Variants in KIR2DL3 observed in about 807,000 individuals in gnomAD.
KIR2DL3 encodes killer cell immunoglobulin like receptor, two Ig domains and long cytoplasmic tail 3, also known as killer cell immunoglobulin-like receptor 2DL3.
A neutral mutation model predicts 33.8 loss-of-function variants in KIR2DL3; 39 were observed. The ratio of observed to expected loss-of-function variants is 1.15; its 90% CI spans 0.89 to 1.51. The LOEUF is 1.51. Ranked by LOEUF, KIR2DL3 falls within the 40% of genes most tolerant of loss-of-function variation. KIR2DL3 has a pLI of 0.00. For synonymous variants in KIR2DL3, 174 were observed against 160.2 expected (o/e 1.09, Z -0.65); for missense variants, 462 against 426.2 (o/e 1.08, Z -0.74).
chr19:54,744,632 T>C (rs1412224473), intron 4 of KIR2DL3, among the ~76,000 whole-genome samples: 3 of 151,110 alleles, frequency 2.0e-5, no homozygotes, highest in African/African-American at 7.3e-5. Flanking sequence ...GTTCAAGTGA[T>C]TCTCCTGCTT....
At chr19:54,742,934 A>G (rs200001801) in intron 3 of KIR2DL3, among the ~76,000 whole-genome samples, 11,925 of 122,246 alleles carry the variant, frequency 0.098, no homozygotes, top group South Asian at 0.15. Flanking sequence ...ACAGAGAATG[A>G]GCCAGAGGAA....
chr19:54,738,925 TG>T (rs796110465), intron 1 of KIR2DL3, among the ~76,000 whole-genome samples: 2 of 101,570 alleles, frequency 2.0e-5, no homozygotes, highest in South Asian at 3.4e-4. Flanking sequence ...GATATGGGCC[TG>T]GAGGTGGAGA....
rs374258936 is a variant in KIR2DL3 at position 54,741,263 on chromosome 19, C to T, written c.71-717C>T. ...CTGAGGGCAGGAGAATCACTTGAAC[C>T]CAGGAGACAGAGGTTGCAGTGAGCC... On this transcript the variant is annotated intron_variant, in intron 2 of 7. Coordinates refer to ENST00000342376, the MANE Select transcript of KIR2DL3 (RefSeq NM_015868.3). Among the ~76,000 whole-genome samples the T allele has an allele frequency of 1.7e-4, 25 of 151,362 alleles. No individual in the cohort carries two copies. The East Asian group carries it at 3.1e-3, about 19-fold the overall frequency.
At position 54,747,430 on chromosome 19, in the gene KIR2DL3, G is replaced by A. The variant is rs756993448; in HGVS notation, c.715+45G>A. ...ATATCCGCTTTTGGAAACCTGGGGA[G>A]GTAGAAACCTTCGATGCAGGCATTG... On this transcript the variant is annotated intron_variant, in intron 5 of 7. Coordinates refer to ENST00000342376, the MANE Select transcript of KIR2DL3 (RefSeq NM_015868.3). The A allele has an allele frequency of 2.7e-5, 43 of 1,593,590 alleles. No individual in the cohort carries two copies. In the African/African-American group the frequency reaches 3.9e-4, roughly 14 times the overall value.
chr19:54,745,755 T>A (rs1416877378), intron 4 of KIR2DL3, among the ~76,000 whole-genome samples: 1 of 151,650 alleles, frequency 6.6e-6, no homozygotes, highest in Non-Finnish European at 1.5e-5. Flanking sequence ...GGTTCTCCTT[T>A]CTCTACCACT....
At position 54,752,273 on chromosome 19, in the gene KIR2DL3, G is replaced by A. The variant is rs751190691; in HGVS notation, c.873+5G>A. ...AACAGAACAGTGAACAGGGAGGTAG[G>A]TGCTCCTCGGCCCAGCCTCGTGGCT... On this transcript the variant is annotated splice_donor_5th_base_variant and intron_variant, in intron 7 of 7. Transcript: ENST00000342376. 1.8e-5 allele frequency: 26 copies of A among 1,485,688 alleles called. 3 individuals carry two copies. The highest frequency in any genetic ancestry group is 2.4e-5 in the Non-Finnish European group (26 of 1,087,784). 92.0% of individuals were successfully genotyped at this position (1,485,688 alleles called of 1,614,324 possible). A position where few individuals can be genotyped will look rare whatever the true frequency, so the allele number is the denominator to read the frequency against.
intron 4 of KIR2DL3, among the ~76,000 whole-genome samples, chr19:54,744,914 A>G (rs2147096333): frequency 2.6e-5 from 1 of 39,070 alleles, no homozygotes; most frequent in Non-Finnish European, 5.6e-5. Flanking sequence ...ACACACACAT[A>G]TATAAACATA....
At position 54,751,550 on chromosome 19, in the gene KIR2DL3, G is replaced by A. The variant is rs2073422047; in HGVS notation, c.716-99G>A. On this transcript the variant is annotated intron_variant, in intron 5 of 7. Coordinates refer to ENST00000342376, the MANE Select transcript of KIR2DL3 (RefSeq NM_015868.3). ...TCCATCTGGGTGCTTGTCCTAAAGG[G>A]GTGTTGTATGTGGTTACCTGTCAAT... is the stretch of plus-strand genomic sequence containing the variant. The A allele has an allele frequency of 2.0e-6, 2 of 1,011,250 alleles. 1 individual carries two copies. Among genetic ancestry groups the A allele is most frequent in the African/African-American group, 3.6e-5 (2 of 55,214 alleles). The allele number at this position is 1,011,250 out of a possible 1,614,324, so 62.6% of individuals were successfully genotyped here.
chr19:54,739,670 C>T lies in KIR2DL3; in HGVS notation c.70+128C>T, dbSNP rs2070635647. 19 of 1,487,142 alleles carry T rather than the reference C, an allele frequency of 1.3e-5. No homozygotes were observed. In the Admixed American group the frequency reaches 2.6e-4, roughly 20 times the overall value. 92.1% of individuals were successfully genotyped at this position (1,487,142 alleles called of 1,614,324 possible). On this transcript the variant is annotated intron_variant, in intron 2 of 7. Coordinates refer to ENST00000342376, the MANE Select transcript of KIR2DL3 (RefSeq NM_015868.3). ...AGAGGACCCTGGGGTGCTCAGCCCACATTTCTGACCTCGCCTCCCTGGCCT... is the reference window on the plus strand; with the variant it reads ...AGAGGACCCTGGGGTGCTCAGCCCATATTTCTGACCTCGCCTCCCTGGCCT...
At chr19:54,745,882 G>C (rs1555909361) in intron 4 of KIR2DL3, among the ~76,000 whole-genome samples, 1 of 143,796 alleles carries the variant, frequency 7.0e-6, no homozygotes, top group Non-Finnish European at 1.5e-5. Flanking sequence ...GTGCGATCTC[G>C]GCTCACCACA....
intron 5 of KIR2DL3, among the ~76,000 whole-genome samples, chr19:54,749,252 T>A (rs1215928214): frequency 7.0e-6 from 1 of 142,918 alleles, no homozygotes; most frequent in Non-Finnish European, 1.5e-5. Context: ...AGCCATTGGA[T>A]TCACCTCGGG....
intron 2 of KIR2DL3, among the ~76,000 whole-genome samples, chr19:54,741,299 C>T (rs1409530091): frequency 6.6e-6 from 1 of 151,188 alleles, no homozygotes; most frequent in Non-Finnish European, 1.5e-5. Context: ...TAGACCACAC[C>T]ACTTCACTCC....
Position 54,752,702 on chromosome 19 carries a change from TC to T in KIR2DL3, c.*186del. The T allele has an allele frequency of 2.2e-6, 2 of 929,964 alleles. 1 individual carries two copies. The highest frequency in any genetic ancestry group is 3.4e-5 in the South Asian group (2 of 58,196). 57.6% of individuals were successfully genotyped at this position (929,964 alleles called of 1,614,324 possible). A position where few individuals can be genotyped will look rare whatever the true frequency, so the allele number is the denominator to read the frequency against. On this transcript the variant is annotated 3_prime_UTR_variant, in exon 8 of 8. Coordinates refer to ENST00000342376, the MANE Select transcript of KIR2DL3 (RefSeq NM_015868.3). ...CACACCACAAATCTGAACGTGCCTC[TC>T]CCTTGCTTACAAATGTCTAAGGTCC... is the stretch of plus-strand genomic sequence containing the variant.
rs1187492201 is a variant in KIR2DL3, at chr19:54,751,820, G to A, written c.820+67G>A. ...TGGGGAAGCAGGATGGGAGCACTCA[G>A]GTGTGTGTTCCTCACAGACAGGATG... On this transcript the variant is annotated intron_variant, in intron 6 of 7. Coordinates refer to ENST00000342376, the MANE Select transcript of KIR2DL3 (RefSeq NM_015868.3). 6.4e-6 allele frequency: 8 copies of A among 1,252,040 alleles called. 2 individuals carry two copies. Among genetic ancestry groups the A allele is most frequent in the Non-Finnish European group, 8.9e-6 (8 of 894,114 alleles). The allele number at this position is 1,252,040 out of a possible 1,614,324, so 77.6% of individuals were successfully genotyped here.
Position 54,744,076 on chromosome 19 carries a change from G to C in KIR2DL3, c.652G>C (p.Val218Leu), listed in dbSNP as rs1327960800. ...EWSNSSDPLL[V>L]SVTGNPSNSW... is the part of the protein sequence containing the mutation. ...GTCAAACTCGAGTGACCCACTGCTT[G>C]TTTCTGTCACAGGTGAGGAAACCCC... The change falls in exon 4 of 8, where the codon GTT becomes CTT. Residue 218 changes from valine (V) to leucine (L), a missense_variant. Val to Leu is a conservative substitution (Grantham distance 32). Coordinates refer to ENST00000342376, the MANE Select transcript of KIR2DL3 (RefSeq NM_015868.3). The C allele has an allele frequency of 5.5e-5, 88 of 1,614,048 alleles. No homozygotes were observed. The highest frequency in any genetic ancestry group is 7.5e-5 in the Non-Finnish European group (88 of 1,180,014).
Position 54,752,403 on chromosome 19 carries a change from G to C in KIR2DL3, c.910G>C (p.Ala304Pro). ...DEQDPQEVTYAQLNHCVFTQR... is the reference protein window; with the variant it reads ...DEQDPQEVTYPQLNHCVFTQR... ...ACAAGACCCTCAGGAGGTGACATAT[G>C]CACAGTTGAATCACTGCGTTTTCAC... Residue 304 changes from alanine to proline, a missense_variant, in exon 8 of 8, where the codon GCA becomes CCA. Coordinates refer to ENST00000342376, the MANE Select transcript of KIR2DL3 (RefSeq NM_015868.3). 6.8e-7 allele frequency: 1 copy of C among 1,469,018 alleles called. No individual in the cohort carries two copies. Among genetic ancestry groups the C allele is most frequent in the Non-Finnish European group, 9.3e-7 (1 of 1,079,674 alleles). The allele number at this position is 1,469,018 out of a possible 1,614,324, so 91.0% of individuals were successfully genotyped here.
intron 3 of KIR2DL3, among the ~76,000 whole-genome samples, chr19:54,743,056 G>A (rs1367932093): frequency 1.3e-4 from 20 of 151,654 alleles, no homozygotes; most frequent in African/African-American, 4.6e-4. Context: ...CTGAGAGAGA[G>A]GCACAAGGAC....
Position 54,739,530 on chromosome 19 carries a change from TG to T in KIR2DL3, c.60del (p.Trp20CysfsTer20). 6.2e-7 allele frequency: 1 copy of T among 1,608,450 alleles called. No homozygotes were observed. Among genetic ancestry groups the T allele is most frequent in the East Asian group, 2.2e-5 (1 of 44,888 alleles). On this transcript the variant is annotated frameshift_variant, in exon 2 of 8. Coordinates refer to ENST00000342376, the MANE Select transcript of KIR2DL3 (RefSeq NM_015868.3). LOFTEE classifies it high-confidence loss of function. ...AGGGTTCTTCTTGCTGCAGGGGGCC[TG>T]GCCACATGAGGGTGAGTCCTTCTCC... Reference protein sequence around the residue: ...CVGFFLLQGAWPHEGVHRKPS... With the variant: ...CVGFFLLQGAXPHEGVHRKPS...
chr19:54,745,210 G>A (rs1392018054), intron 4 of KIR2DL3, among the ~76,000 whole-genome samples: 1 of 152,000 alleles, frequency 6.6e-6, no homozygotes, highest in African/African-American at 2.4e-5. Context: ...TGGGCAGGTA[G>A]GTTGACTCCA....
Sources: allele counts gnomAD v4.1 joint callset (sites outside exome capture counted in the v4.1 genomes callset), GRCh38; gene constraint gnomAD v4.1.1; transcripts MANE v1.5; gene names NCBI Gene and HGNC (gene_info 2026-07-23, HGNC 2026-07-21).